PKP1: variants seen among roughly 807,000 people sequenced by gnomAD.
PKP1 encodes the protein plakophilin 1.
A neutral mutation model predicts 76.4 loss-of-function variants in PKP1; 27 were observed. The observed-to-expected ratio is 0.35, with a 90% CI of 0.26 to 0.49. The LOEUF (loss-of-function observed/expected upper bound fraction) is 0.49, where lower values mean the gene tolerates loss of function less well. PKP1 is among the 20% of genes least tolerant of loss of function. The probability of loss-of-function intolerance (pLI) is 0.99; values close to 1 mark genes in which losing one functional copy is unlikely to be tolerated. For synonymous variants in PKP1, 404 were observed against 384.2 expected, an observed-to-expected ratio of 1.05 and a Z score of -0.60; for missense variants, 964 against 955.2, an observed-to-expected ratio of 1.01 and a Z score of -0.12.
chr1:201,304,905 T>C (rs1656331230), intron 2 of PKP1, among the ~76,000 whole-genome samples: 1 of 152,226 alleles, frequency 6.6e-6, no homozygotes, highest in Non-Finnish European at 1.5e-5. Flanking sequence ...AGAACAAAGC[T>C]GCTGCTCTCT....
intron 5 of PKP1, among the ~76,000 whole-genome samples, chr1:201,318,179 G>C (rs1656821946): frequency 1.3e-5 from 2 of 152,118 alleles, no homozygotes; most frequent in Non-Finnish European, 2.9e-5. Context: ...CAAGGTGGGG[G>C]GCACAAGAGG....
chr1:201,316,286 A>C, intron 3 of PKP1: 2 of 460,674 alleles, frequency 4.3e-6, no homozygotes, highest in Non-Finnish European at 3.9e-6. Context: ...TCCTCAGTGG[A>C]GAGATAACAT....
At chr1:201,306,679 C>T (rs1011130388) in intron 2 of PKP1, among the ~76,000 whole-genome samples, 5 of 147,108 alleles carry the variant, frequency 3.4e-5, no homozygotes, top group Non-Finnish European at 7.5e-5. Flanking sequence ...AAAACTTTTA[C>T]TTTTTTTTTT....
In PKP1 at chr1:201,331,001, C is replaced by G. The variant is rs1456011993; in HGVS notation, c.*960C>G. ...AAGCTATTTTATTGCAGCTCTTTCC[C>G]AAGAGCTGTTCTGGGAATGGCTGGT... is the stretch of plus-strand genomic sequence containing the variant. On this transcript the variant is annotated 3_prime_UTR_variant, in exon 14 of 14. Transcript: ENST00000367324. 1 of 152,090 alleles carries G rather than the reference C, an allele frequency of 6.6e-6. No homozygotes were observed. The highest frequency in any genetic ancestry group is 6.5e-5 in the Admixed American group (1 of 15,270). The allele number at this position is 152,090 out of a possible 1,614,324, so 9.4% of individuals were successfully genotyped here. A position where few individuals can be genotyped will look rare whatever the true frequency, so the allele number is the denominator to read the frequency against.
chr1:201,323,526 T>C (rs1182405081), intron 9 of PKP1, among the ~76,000 whole-genome samples: 1 of 150,306 alleles, frequency 6.7e-6, no homozygotes, highest in Admixed American at 6.7e-5. Context: ...GCAAAAGGAG[T>C]TTCCCATTTG....
At position 201,307,335 on chromosome 1, in the gene PKP1, C is replaced by T. The variant is rs1316008672; in HGVS notation, c.307-5831C>T. On this transcript the variant is annotated intron_variant, in intron 2 of 13. Coordinates refer to ENST00000367324, the MANE Select transcript of PKP1 (RefSeq NM_001005337.3). ...AAAGGAGGGCCAGCCCAGGGTGGAA[C>T]CCCCTGCTTCTCAGAGAAGGAGCCG... is the stretch of plus-strand genomic sequence containing the variant. Among the ~76,000 whole-genome samples, 3 of 152,290 alleles carry T rather than the reference C, an allele frequency of 2.0e-5. No homozygotes were observed. The East Asian group carries it at 5.8e-4, about 29-fold the overall frequency.
chr1:201,320,022 G>T, intron 6 of PKP1: 1 of 872,940 alleles, frequency 1.1e-6, no homozygotes, highest in Non-Finnish European at 1.9e-6. Flanking sequence ...AGGCGGAATT[G>T]GCTAAATGGT....
chr1:201,316,113 T>TGGACGGATGGACGAC (rs1656717875), intron 3 of PKP1: 1 of 119,900 alleles, frequency 8.3e-6, no homozygotes, highest in African/African-American at 3.6e-5. Flanking sequence ...GACAGATGGA[T>TGGACGGATGGACGAC]GGACGGATGG....
intron 2 of PKP1, among the ~76,000 whole-genome samples, chr1:201,300,065 C>A (rs1369354411): frequency 2.6e-5 from 4 of 152,236 alleles, no homozygotes; most frequent in Non-Finnish European, 5.9e-5. Flanking sequence ...ATGACTCACC[C>A]CCACCCAGCC....
At chr1:201,291,455 A>T (rs1024234114) in intron 1 of PKP1, among the ~76,000 whole-genome samples, 1 of 152,126 alleles carries the variant, frequency 6.6e-6, no homozygotes, top group Non-Finnish European at 1.5e-5. Flanking sequence ...ACCTTCATAC[A>T]GAGAAGAGTG....
chr1:201,318,109 G>A (rs1656819303), intron 5 of PKP1, among the ~76,000 whole-genome samples: 1 of 152,172 alleles, frequency 6.6e-6, no homozygotes, highest in Non-Finnish European at 1.5e-5. Flanking sequence ...AAGACTGAGG[G>A]GAGAAGGGGT....
At chr1:201,289,147 C>T (rs139830834) in intron 1 of PKP1, among the ~76,000 whole-genome samples, 2 of 152,326 alleles carry the variant, frequency 1.3e-5, no homozygotes, top group Admixed American at 6.5e-5. Context: ...GAGCTGGAAC[C>T]ATCCCGCAGA....
chr1:201,321,859 C>G, intron 7 of PKP1, 119 bp from the exon 8 acceptor site: 1 of 1,154,260 alleles, frequency 8.7e-7, no homozygotes, highest in South Asian at 1.3e-5. Flanking sequence ...GGTGCCTGCG[C>G]TCATCTTTCC....
chr1:201,288,715 C>A (rs1347243415), intron 1 of PKP1, among the ~76,000 whole-genome samples: 1 of 152,152 alleles, frequency 6.6e-6, no homozygotes, highest in Non-Finnish European at 1.5e-5. Context: ...AACCCGTCAA[C>A]CCTTGCCCAC....
Position 201,297,037 on chromosome 1 carries a change from C to T in PKP1, c.306+2992C>T, listed in dbSNP as rs566121531. ...CTAAAAATATTTAAAAAGCAATGGT[C>T]GTACCTTATAGTTTTACCTTATAGT... On this transcript the variant is annotated intron_variant, in intron 2 of 13. Transcript: ENST00000367324. Among the ~76,000 whole-genome samples, 126 of 152,258 alleles carry T rather than the reference C, an allele frequency of 8.3e-4. 2 individuals carry two copies. In the South Asian group the frequency reaches 0.025, roughly 30 times the overall value.
chr1:201,301,726 T>A (rs1558185767), intron 2 of PKP1, among the ~76,000 whole-genome samples: 1 of 152,198 alleles, frequency 6.6e-6, no homozygotes, highest in Non-Finnish European at 1.5e-5. Context: ...GAGTTTCATT[T>A]TGGGCTTTTT....
At chr1:201,287,163 C>T (rs1206063205) in intron 1 of PKP1, among the ~76,000 whole-genome samples, 1 of 152,194 alleles carries the variant, frequency 6.6e-6, no homozygotes, top group East Asian at 1.9e-4. Flanking sequence ...CATAGAAGTA[C>T]TGTTTCCCAT....
intron 2 of PKP1, among the ~76,000 whole-genome samples, chr1:201,302,905 G>C (rs1656278221): frequency 6.6e-6 from 1 of 152,248 alleles, no homozygotes; most frequent in African/African-American, 2.4e-5. Context: ...TACAGGGCAT[G>C]CTGTGGTTGG....
In PKP1 at chr1:201,283,679, G is replaced by C. The variant is rs1009095071; in HGVS notation, c.-24G>C. 1.2e-6 allele frequency: 2 copies of C among 1,607,042 alleles called. No individual in the cohort carries two copies. Among genetic ancestry groups the C allele is most frequent in the East Asian group, 2.3e-5 (1 of 44,350 alleles). On this transcript the variant is annotated 5_prime_UTR_variant, in exon 1 of 14. Transcript: ENST00000367324. Reference sequence around the variant, plus strand: ...CTCTCTGCTCTCCTAGGCCCCGGCCGCGCGCCACCCGCCTCCCGCCACCAT... The same window carrying C: ...CTCTCTGCTCTCCTAGGCCCCGGCCCCGCGCCACCCGCCTCCCGCCACCAT...
Sources: allele counts gnomAD v4.1 joint callset (sites outside exome capture counted in the v4.1 genomes callset), GRCh38; gene constraint gnomAD v4.1.1; transcripts MANE v1.5; gene names NCBI Gene and HGNC (gene_info 2026-07-23, HGNC 2026-07-21).